The following ETV6 variants were observed in gnomAD, a reference collection of about 807,000 sequenced individuals.
ETV6 encodes the protein transcription factor ETV6.
In ETV6, 16 loss-of-function variants were observed where a neutral mutation model predicts 51.1. The observed-to-expected ratio is 0.31, with a 90% CI of 0.21 to 0.48. The LOEUF (loss-of-function observed/expected upper bound fraction) is 0.48. ETV6 is among the 20% of genes least tolerant of loss of function. ETV6 has a pLI of 0.99. For missense variants in ETV6, 458 were observed against 594.8 expected (o/e 0.77, Z 2.39); for synonymous variants, 240 against 224.1 (o/e 1.07, Z -0.64).
At chr12:11,854,943 A>T (rs186435840) in intron 4 of ETV6, among the ~76,000 whole-genome samples, 143 of 152,192 alleles carry the variant, frequency 9.4e-4, no homozygotes, top group African/African-American at 3.2e-3. Context: ...ACCAGAATTT[A>T]ATTTAGGCCC....
chr12:11,845,180 G>T (rs536967493), intron 3 of ETV6, among the ~76,000 whole-genome samples: 1 of 152,276 alleles, frequency 6.6e-6, no homozygotes, highest in African/African-American at 2.4e-5. Context: ...ATGGAGGTGG[G>T]CACCCACCCT....
chr12:11,853,629 T>C, intron 4 of ETV6, 68 bp downstream of exon 4: 3 of 1,564,174 alleles, frequency 1.9e-6, no homozygotes, highest in Non-Finnish European at 2.6e-6. Flanking sequence ...ATTGTTAACT[T>C]GATAAGCTGG....
chr12:11,795,279 A>G (rs1293303576), intron 2 of ETV6, among the ~76,000 whole-genome samples: 1 of 152,256 alleles, frequency 6.6e-6, no homozygotes, highest in African/African-American at 2.4e-5. Context: ...GAAAGCCCTG[A>G]AGTTGAAGAG....
At chr12:11,778,012 T>C (rs1945356804) in intron 2 of ETV6, among the ~76,000 whole-genome samples, 1 of 152,074 alleles carries the variant, frequency 6.6e-6, no homozygotes, top group African/African-American at 2.4e-5. Context: ...CCCTGGATGG[T>C]TCTTAAGCAT....
chr12:11,653,384 A>T (rs935422738), intron 1 of ETV6, among the ~76,000 whole-genome samples: 2 of 152,282 alleles, frequency 1.3e-5, no homozygotes, highest in Middle Eastern at 3.4e-3. Context: ...CAGAATCCAA[A>T]AACGAGTCAC....
intron 2 of ETV6, among the ~76,000 whole-genome samples, chr12:11,797,691 G>A (rs1399350109): frequency 1.3e-5 from 2 of 152,170 alleles, no homozygotes; most frequent in African/African-American, 4.8e-5. Context: ...TCTGGGTGGA[G>A]CTGAACTTCA....
intron 1 of ETV6, among the ~76,000 whole-genome samples, chr12:11,744,733 TC>T (rs1180068363): frequency 6.6e-6 from 1 of 152,170 alleles, no homozygotes; most frequent in Non-Finnish European, 1.5e-5. Flanking sequence ...ATTTAAATTT[TC>T]CCATGCAGGT....
intron 3 of ETV6, among the ~76,000 whole-genome samples, chr12:11,850,096 G>A (rs1382824889): frequency 6.6e-6 from 1 of 152,064 alleles, no homozygotes; most frequent in Non-Finnish European, 1.5e-5. Flanking sequence ...ACCCGTAGCC[G>A]CCTCATGGAT....
At chr12:11,724,325 GA>G (rs1865449140) in intron 1 of ETV6, among the ~76,000 whole-genome samples, 1 of 152,200 alleles carries the variant, frequency 6.6e-6, no homozygotes, top group African/African-American at 2.4e-5. Context: ...TGGTTTGGGA[GA>G]AAGCTGCAAG....
chr12:11,655,521 A>G (rs1349500284), intron 1 of ETV6, among the ~76,000 whole-genome samples: 1 of 152,216 alleles, frequency 6.6e-6, no homozygotes, highest in Non-Finnish European at 1.5e-5. Context: ...TTCCAAACAT[A>G]CAGGAACCAA....
intron 1 of ETV6, among the ~76,000 whole-genome samples, chr12:11,738,222 TTCCC>T (rs530472593): frequency 7.2e-5 from 10 of 138,630 alleles, no homozygotes; most frequent in Admixed American, 7.1e-4. Flanking sequence ...CCTTCCTTCC[TTCCC>T]TCCCTCCCTC....
At chr12:11,757,520 CACTT>C (rs1019094946) in intron 2 of ETV6, among the ~76,000 whole-genome samples, 24 of 151,948 alleles carry the variant, frequency 1.6e-4, no homozygotes, top group Admixed American at 5.2e-4. Context: ...CTTATTGTCT[CACTT>C]AATTGTACAG....
intron 1 of ETV6, among the ~76,000 whole-genome samples, chr12:11,726,442 T>C (rs1865491338): frequency 6.6e-6 from 1 of 152,142 alleles, no homozygotes; most frequent in Non-Finnish European, 1.5e-5. Context: ...GCATGATTCC[T>C]TCATAATCTA....
intron 1 of ETV6, among the ~76,000 whole-genome samples, chr12:11,708,594 C>T (rs1003731429): frequency 1.3e-5 from 2 of 152,194 alleles, no homozygotes; most frequent in African/African-American, 4.8e-5. Flanking sequence ...ACAGGTACCA[C>T]TTGTAGGCCA....
chr12:11,861,040 C>A (rs1036894409), intron 4 of ETV6, among the ~76,000 whole-genome samples: 5 of 152,222 alleles, frequency 3.3e-5, no homozygotes, highest in African/African-American at 1.2e-4. Context: ...GCACTGCTTG[C>A]ATTTTATGTC....
In ETV6 at chr12:11,821,071, A is replaced by T. The variant is rs893206572; in HGVS notation, c.164-18069A>T. ...ATGGACCAGAAGGGGGTGTAAAAGA[A>T]GAAACAAGGGGCTGGGCACGGTGGC... On this transcript the variant is annotated intron_variant, in intron 2 of 7. Transcript: ENST00000396373. 5.3e-5 allele frequency among the ~76,000 whole-genome samples: 8 copies of T among 152,300 alleles called. No homozygotes were observed. The East Asian group carries it at 1.5e-3, about 29-fold the overall frequency.
intron 2 of ETV6, among the ~76,000 whole-genome samples, chr12:11,827,690 A>C (rs1398979980): frequency 6.6e-6 from 1 of 152,158 alleles, no homozygotes; most frequent in African/African-American, 2.4e-5. Flanking sequence ...GGCACAGCTG[A>C]GCCACACAAA....
intron 2 of ETV6, among the ~76,000 whole-genome samples, chr12:11,791,640 T>C (rs986261629): frequency 6.6e-6 from 1 of 152,246 alleles, no homozygotes; most frequent in African/African-American, 2.4e-5. Flanking sequence ...TGGAAGAATC[T>C]GGATAGAACC....
chr12:11,721,532 C>T (rs1323321083), intron 1 of ETV6, among the ~76,000 whole-genome samples: 1 of 152,152 alleles, frequency 6.6e-6, no homozygotes, highest in East Asian at 1.9e-4. Flanking sequence ...ACATCGAGCA[C>T]TCATGAACAT....
Sources: allele counts gnomAD v4.1 joint callset (sites outside exome capture counted in the v4.1 genomes callset), GRCh38; gene constraint gnomAD v4.1.1; transcripts MANE v1.5; gene names NCBI Gene and HGNC (gene_info 2026-07-23, HGNC 2026-07-21).